The following SPRR2G variants were observed in gnomAD, a reference collection of about 807,000 sequenced individuals.
SPRR2G encodes the protein small proline rich protein 2G, also known as small proline-rich protein 2G.
SPRR2G carries 1 observed loss-of-function variant against 0.7 expected under a neutral mutation model. The ratio of observed to expected loss-of-function variants is 1.49; its 90% confidence interval spans 0.53 to 7.06. SPRR2G has a LOEUF of 7.06. Among genes scored for constraint, SPRR2G ranks in the 30% most tolerant of loss-of-function variants. The pLI, the probability that SPRR2G is intolerant of heterozygous loss-of-function variation, is 0.14. For synonymous variants in SPRR2G, 38 were observed against 33.9 expected, an observed-to-expected ratio of 1.12 and a Z score of -0.42; for missense variants, 96 against 88.5, an observed-to-expected ratio of 1.09 and a Z score of -0.34.
At chr1:153,168,902 GTA>G in the SPRR2G span, among the ~76,000 whole-genome samples, 6 of 127,278 alleles carry the variant, frequency 4.7e-5, no homozygotes, top group African/African-American at 1.8e-4. Context: ...ACTCATGAGT[GTA>G]TGTGTGTGTG....
At chr1:153,172,806 A>T in the SPRR2G span, among the ~76,000 whole-genome samples, 1 of 152,234 alleles carries the variant, frequency 6.6e-6, no homozygotes, top group Non-Finnish European at 1.5e-5. Flanking sequence ...TACTGGGATT[A>T]TCCCTAAAAG....
the SPRR2G span, chr1:153,191,448 A>C: frequency 1.3e-5 from 2 of 152,220 alleles, no homozygotes; most frequent in South Asian, 4.1e-4. Flanking sequence ...AAGGACCCTA[A>C]GTAGATTTTA....
chr1:153,158,318 G>C, the SPRR2G span, among the ~76,000 whole-genome samples: 2 of 152,212 alleles, frequency 1.3e-5, no homozygotes, highest in African/African-American at 4.8e-5. Flanking sequence ...TTCCAAATGG[G>C]AGAAATTGGC....
At chr1:153,178,023 T>G in the SPRR2G span, among the ~76,000 whole-genome samples, 1 of 152,152 alleles carries the variant, frequency 6.6e-6, no homozygotes. Context: ...CCAGATTGTT[T>G]TATTATTTTC....
At chr1:153,201,687 T>C in the SPRR2G span, among the ~76,000 whole-genome samples, 1 of 152,258 alleles carries the variant, frequency 6.6e-6, no homozygotes, top group Non-Finnish European at 1.5e-5. Flanking sequence ...TCTCCTCTTT[T>C]ATTTAGGTTC....
chr1:153,177,307 C>T, the SPRR2G span, among the ~76,000 whole-genome samples: 4,529 of 152,146 alleles, frequency 0.03, 96 homozygotes, highest in Non-Finnish European at 0.044. Flanking sequence ...AAAGTTGTTA[C>T]GAATATTTAT....
At chr1:153,158,562 G>A in the SPRR2G span, among the ~76,000 whole-genome samples, 3 of 152,298 alleles carry the variant, frequency 2.0e-5, no homozygotes, top group South Asian at 2.1e-4. Context: ...CTAGGTGCAC[G>A]GTGCAAGCTG....
the SPRR2G span, among the ~76,000 whole-genome samples, chr1:153,159,336 A>C: frequency 1.3e-5 from 2 of 152,216 alleles, no homozygotes; most frequent in African/African-American, 2.4e-5. Context: ...GCATAGCAGC[A>C]GTGACCTTTA....
Position 153,149,746 on chromosome 1 carries a change from T to A in SPRR2G, c.*143A>T. 1 of 1,081,782 alleles carries A rather than the reference T, an allele frequency of 9.2e-7. No individual in the cohort carries two copies. 67.0% of individuals were successfully genotyped at this position (1,081,782 alleles called of 1,614,324 possible). ...ACATATCGGTTTTCAGAACTAAGCC[T>A]TTTCTCTGTCAACGCTCAAGCCAGA... On this transcript the variant is annotated 3_prime_UTR_variant, in exon 2 of 2. Coordinates refer to ENST00000368748, the MANE Select transcript of SPRR2G (RefSeq NM_001014291.4).
At chr1:153,192,848 C>A in the SPRR2G span, among the ~76,000 whole-genome samples, 1 of 152,160 alleles carries the variant, frequency 6.6e-6, no homozygotes, top group African/African-American at 2.4e-5. Flanking sequence ...TAGGTAAGAA[C>A]CCCCATCCAT....
the SPRR2G span, among the ~76,000 whole-genome samples, chr1:153,160,282 G>GCA: frequency 3.3e-5 from 5 of 152,018 alleles, no homozygotes; most frequent in Non-Finnish European, 7.4e-5. Context: ...GTATATATAT[G>GCA]CCACAATTTT....
chr1:153,199,805 A>G, the SPRR2G span, among the ~76,000 whole-genome samples: 1 of 152,170 alleles, frequency 6.6e-6, no homozygotes, highest in Non-Finnish European at 1.5e-5. Context: ...AGTCAAGGGC[A>G]TCTGCTAGAG....
chr1:153,184,868 A>G, the SPRR2G span, among the ~76,000 whole-genome samples: 2 of 152,264 alleles, frequency 1.3e-5, no homozygotes, highest in South Asian at 2.1e-4. Flanking sequence ...TACTATTTTG[A>G]GATATGCTCC....
At chr1:153,178,142 A>T in the SPRR2G span, among the ~76,000 whole-genome samples, 3 of 152,148 alleles carry the variant, frequency 2.0e-5, no homozygotes, top group Non-Finnish European at 4.4e-5. Context: ...GTGATGGTTT[A>T]TAGAAATATA....
chr1:153,197,479 C>T, the SPRR2G span, among the ~76,000 whole-genome samples: 3 of 152,166 alleles, frequency 2.0e-5, no homozygotes, highest in Non-Finnish European at 4.4e-5. Context: ...TTATTTGATT[C>T]TTATCTCCCC....
chr1:153,162,857 C>T, the SPRR2G span, among the ~76,000 whole-genome samples: 1 of 152,140 alleles, frequency 6.6e-6, no homozygotes, highest in African/African-American at 2.4e-5. Flanking sequence ...GAGATAGTGC[C>T]TTACTCAATC....
In SPRR2G at chr1:153,149,884, T is replaced by C. The variant is rs752858497; in HGVS notation, c.*5A>G. ...GTTTCATGGTCCTGATGAATTCTAG[T>C]GATGTTACTTGCTCTTGGGTGGATA... On this transcript the variant is annotated 3_prime_UTR_variant, in exon 2 of 2. Transcript: ENST00000368748. The C allele has an allele frequency of 3.1e-6, 5 of 1,613,922 alleles. No individual in the cohort carries two copies. The South Asian group carries it at 4.4e-5, about 14-fold the overall frequency.
the SPRR2G span, among the ~76,000 whole-genome samples, chr1:153,196,037 T>C: frequency 3.3e-5 from 5 of 152,360 alleles, no homozygotes; most frequent in Non-Finnish European, 5.9e-5. Context: ...CCTTATCCTC[T>C]TTTTAAATTT....
chr1:153,150,412 A>G (rs965418851), intron 1 of SPRR2G, among the ~76,000 whole-genome samples: 3 of 152,098 alleles, frequency 2.0e-5, no homozygotes, highest in Admixed American at 6.6e-5. Context: ...AAGAAGAAAA[A>G]CTCAGATATT....
Sources: gnomAD v4.1 joint callset for allele counts (sites outside exome capture counted in the v4.1 genomes callset) on GRCh38, gnomAD v4.1.1 for gene constraint, MANE v1.5 for transcripts, NCBI Gene and HGNC (gene_info 2026-07-23, HGNC 2026-07-21) for gene names.